The following ADAM32 variants were observed in gnomAD, a reference collection of about 807,000 sequenced individuals.
ADAM32 encodes ADAM metallopeptidase domain 32.
ADAM32 carries 89 observed loss-of-function variants against 114.9 expected under a neutral mutation model. The ratio of observed to expected loss-of-function variants is 0.77; its 90% CI spans 0.65 to 0.92. The LOEUF (loss-of-function observed/expected upper bound fraction) is 0.92, where lower values mean the gene tolerates loss of function less well. Ranked by LOEUF, ADAM32 falls within the 40% of genes least tolerant of loss-of-function variation. The pLI, the probability that ADAM32 is intolerant of heterozygous loss-of-function variation, is 0.00. For synonymous variants in ADAM32, 285 were observed against 307.5 expected, an observed-to-expected ratio of 0.93 and a Z score of 0.77; for missense variants, 870 against 932.8, an observed-to-expected ratio of 0.93 and a Z score of 0.88.
At chr8:39,125,115 T>C (rs956238695) in intron 2 of ADAM32, among the ~76,000 whole-genome samples, 1 of 152,238 alleles carries the variant, frequency 6.6e-6, no homozygotes, top group Admixed American at 6.5e-5. Flanking sequence ...TGAGTTTTTT[T>C]CATATGTTTG....
chr8:39,185,299 G>A (rs1585484542), intron 10 of ADAM32, among the ~76,000 whole-genome samples: 2 of 145,804 alleles, frequency 1.4e-5, no homozygotes, highest in African/African-American at 2.5e-5. Flanking sequence ...TGGTTTCAGA[G>A]AACCAAGATC....
intron 14 of ADAM32, among the ~76,000 whole-genome samples, chr8:39,229,475 A>C (rs569159182): frequency 4.6e-5 from 7 of 152,210 alleles, no homozygotes; most frequent in Non-Finnish European, 8.8e-5. Context: ...ATAAGAACTC[A>C]TATACACTTA....
intron 24 of ADAM32, among the ~76,000 whole-genome samples, chr8:39,284,360 TACAC>T (rs375169437): frequency 2.7e-5 from 4 of 149,324 alleles, no homozygotes; most frequent in African/African-American, 7.4e-5. Flanking sequence ...AATACTGTTA[TACAC>T]ACACACACAC....
At chr8:39,143,104 G>T (rs547405909) in intron 3 of ADAM32, among the ~76,000 whole-genome samples, 2 of 152,058 alleles carry the variant, frequency 1.3e-5, no homozygotes, top group African/African-American at 4.8e-5. Context: ...TTAGCCATTT[G>T]TCTAACCTTT....
chr8:39,208,339 G>T (rs990520998), intron 11 of ADAM32, among the ~76,000 whole-genome samples: 3 of 151,936 alleles, frequency 2.0e-5, no homozygotes, highest in Non-Finnish European at 2.9e-5. Flanking sequence ...TTGACTTTTT[G>T]ATCTCTAAAT....
chr8:39,240,307 T>C (rs967379467), intron 16 of ADAM32, among the ~76,000 whole-genome samples: 2 of 152,306 alleles, frequency 1.3e-5, no homozygotes, highest in East Asian at 3.9e-4. Context: ...GGAAATTAAG[T>C]AGTCTGCTCC....
rs142371569 is a variant in ADAM32, at chr8:39,140,806, A to G, written c.200+4088A>G. On this transcript the variant is annotated intron_variant, in intron 3 of 24. Coordinates refer to ENST00000379907, the MANE Select transcript of ADAM32 (RefSeq NM_145004.7). ...CCTGGACTTTTTTTGTGGGTAGGCT[A>G]TTAATTATTGTCTCAATTTCAGAAC... Among the ~76,000 whole-genome samples the G allele has an allele frequency of 2.6e-4, 40 of 152,244 alleles. No homozygotes were observed. In the East Asian group the frequency reaches 5.8e-3, roughly 22 times the overall value.
chr8:39,195,421 TA>T (rs1806917432), intron 11 of ADAM32, among the ~76,000 whole-genome samples: 1 of 152,200 alleles, frequency 6.6e-6, no homozygotes, highest in South Asian at 2.1e-4. Context: ...TTGCTGTACG[TA>T]AGTTTTTTAG....
chr8:39,278,297 T>C (rs1425227830), intron 22 of ADAM32, among the ~76,000 whole-genome samples: 4 of 125,450 alleles, frequency 3.2e-5, no homozygotes, highest in Non-Finnish European at 1.6e-5. Context: ...GGCAGGGCCA[T>C]GGGTGGTTTA....
At chr8:39,167,260 T>A (rs1804899657) in intron 9 of ADAM32, 2 of 152,226 alleles carry the variant, frequency 1.3e-5, no homozygotes, top group Non-Finnish European at 2.9e-5. Flanking sequence ...CTCCTACATG[T>A]GGCTTGGGAA....
chr8:39,204,289 C>A (rs1320694444), intron 11 of ADAM32, among the ~76,000 whole-genome samples: 1 of 152,210 alleles, frequency 6.6e-6, no homozygotes, highest in Non-Finnish European at 1.5e-5. Context: ...TAGATTTGGT[C>A]TTTTCACATA....
intron 2 of ADAM32, among the ~76,000 whole-genome samples, chr8:39,133,097 A>G (rs988207205): frequency 2.0e-5 from 3 of 152,094 alleles, no homozygotes; most frequent in African/African-American, 7.2e-5. Context: ...CCCAAACCTC[A>G]TGTTGCAATT....
chr8:39,150,897 T>C (rs929454303), intron 5 of ADAM32, among the ~76,000 whole-genome samples: 1 of 139,614 alleles, frequency 7.2e-6, no homozygotes, highest in African/African-American at 2.5e-5. Context: ...TATATACATT[T>C]GTCATATATG....
chr8:39,231,515 G>A (rs1411943384), intron 14 of ADAM32, among the ~76,000 whole-genome samples: 9 of 152,060 alleles, frequency 5.9e-5, no homozygotes, highest in African/African-American at 1.2e-4. Flanking sequence ...TTAAGCTGCC[G>A]AATCTTTTCT....
chr8:39,132,688 G>A (rs865801733), intron 2 of ADAM32, among the ~76,000 whole-genome samples: 8 of 151,886 alleles, frequency 5.3e-5, no homozygotes, highest in Middle Eastern at 3.2e-3. Flanking sequence ...TTTCTTGTAA[G>A]ACAGGACTTT....
At chr8:39,246,625 G>A (rs924466336) in intron 17 of ADAM32, among the ~76,000 whole-genome samples, 17 of 152,146 alleles carry the variant, frequency 1.1e-4, no homozygotes, top group African/African-American at 4.1e-4. Context: ...TCATCTTACA[G>A]AGGCACAATC....
intron 13 of ADAM32, 89 bp from the exon 14 acceptor site, chr8:39,222,951 G>A (rs141955730): frequency 7.6e-5 from 88 of 1,150,434 alleles, no homozygotes; most frequent in African/African-American, 5.1e-4. Context: ...AGACTAAAGC[G>A]AAAATGATTA....
intron 3 of ADAM32, among the ~76,000 whole-genome samples, chr8:39,146,200 C>T (rs370310974): frequency 3.3e-5 from 5 of 152,012 alleles, no homozygotes; most frequent in African/African-American, 1.2e-4. Context: ...AGTGAGGAAG[C>T]ATAACTAAAA....
At chr8:39,207,603 C>T (rs1013466446) in intron 11 of ADAM32, among the ~76,000 whole-genome samples, 1 of 152,214 alleles carries the variant, frequency 6.6e-6, no homozygotes, top group Non-Finnish European at 1.5e-5. Context: ...ATATGCACTA[C>T]ATTGTCATTT....
Sources: gnomAD v4.1 joint callset for allele counts (sites outside exome capture counted in the v4.1 genomes callset) on GRCh38, gnomAD v4.1.1 for gene constraint, MANE v1.5 for transcripts, NCBI Gene and HGNC (gene_info 2026-07-23, HGNC 2026-07-21) for gene names.